SCNN1B: variants seen among roughly 807,000 people sequenced by gnomAD.
The protein encoded by SCNN1B is sodium channel epithelial 1 subunit beta, also known as epithelial sodium channel subunit beta.
In SCNN1B, 46 loss-of-function variants were observed where a neutral mutation model predicts 65.3. That is an observed-to-expected ratio of 0.70 (90% CI 0.56 to 0.90). The LOEUF (loss-of-function observed/expected upper bound fraction) is 0.90, where lower values mean the gene tolerates loss of function less well. SCNN1B is among the 40% of genes least tolerant of loss of function. The pLI is 0.00. For synonymous variants in SCNN1B, 349 were observed against 330.6 expected, an observed-to-expected ratio of 1.06 and a Z score of -0.60; for missense variants, 751 against 830.5, an observed-to-expected ratio of 0.90 and a Z score of 1.18.
rs896216216 is a variant in SCNN1B, at chr16:23,380,137, T to C, written c.1510T>C (p.Tyr504His). 5 of 1,614,098 alleles carry C rather than the reference T, an allele frequency of 3.1e-6. No homozygotes were observed. Among genetic ancestry groups the C allele is most frequent in the Non-Finnish European group, 4.2e-6 (5 of 1,179,990 alleles). The change falls in exon 12 of 13, where the codon TAT becomes CAT. Residue 504 changes from tyrosine to histidine, a missense_variant. By Grantham distance (83) the Tyr-to-His change is moderately conservative. Transcript: ENST00000343070. The surrounding 1 kb of genome is among the most constrained non-coding windows in gnomAD (Gnocchi z 5.4). The part of the protein sequence containing the change: ...KLNIYFQEFN[Y>H]RTIEESAANN... ...CAACATCTACTTCCAAGAATTTAAC[T>C]ATCGCACCATTGAAGAATCAGCAGC...
intron 1 of SCNN1B, among the ~76,000 whole-genome samples, chr16:23,309,437 T>TAGATAGATAGATAGAC (rs1390140250): frequency 1.4e-5 from 2 of 140,986 alleles, no homozygotes; most frequent in African/African-American, 5.2e-5. Flanking sequence ...GATAGATAGA[T>TAGATAGATAGATAGAC]AGACAGATAG....
At chr16:23,307,292 C>T (rs1270389818) in intron 1 of SCNN1B, among the ~76,000 whole-genome samples, 5 of 137,674 alleles carry the variant, frequency 3.6e-5, no homozygotes, top group Non-Finnish European at 7.6e-5. Context: ...GAAGCCTGTG[C>T]TCCTTTTTTT....
chr16:23,336,167 T>TTACTCAGAG (rs1961935299), intron 1 of SCNN1B, among the ~76,000 whole-genome samples: 1 of 152,178 alleles, frequency 6.6e-6, no homozygotes, highest in African/African-American at 2.4e-5. Context: ...ACCATGACTG[T>TTACTCAGAG]GGGTAAGTCC....
chr16:23,328,955 C>T (rs1961752193), intron 1 of SCNN1B, among the ~76,000 whole-genome samples: 1 of 149,842 alleles, frequency 6.7e-6, no homozygotes, highest in Admixed American at 6.7e-5. Flanking sequence ...ACCACCATAC[C>T]CAGTTCATTT....
At chr16:23,317,094 G>A (rs1008469443) in intron 1 of SCNN1B, among the ~76,000 whole-genome samples, 7 of 152,252 alleles carry the variant, frequency 4.6e-5, no homozygotes, top group South Asian at 2.1e-4. Flanking sequence ...AAGCCTGAAA[G>A]ACCTAAATTT....
rs186204793 is a variant in SCNN1B, at chr16:23,371,496, T to C, written c.1044+34T>C. The C allele has an allele frequency of 7.5e-3, 12,053 of 1,608,726 alleles. 53 individuals are homozygous for C. Among genetic ancestry groups the C allele is most frequent in the Non-Finnish European group, 8.9e-3 (10,524 of 1,177,154 alleles). ...GGAGCCCAAGGGCAGTCCTAGAGGG[T>C]CTGAGGGTGGGAGCCCACCTGTCCA... On this transcript the variant is annotated intron_variant, in intron 6 of 12. Transcript: ENST00000343070.
rs773368777 is a variant in SCNN1B at position 23,348,804 on chromosome 16, A to G, written c.205A>G (p.Ile69Val). 1 of 1,614,162 alleles carries G rather than the reference A, an allele frequency of 6.2e-7. No homozygotes were observed. The highest frequency in any genetic ancestry group is 8.5e-7 in the Non-Finnish European group (1 of 1,180,038). The change falls in exon 2 of 13, where the codon ATC (isoleucine) becomes GTC (valine). Residue 69 changes from isoleucine (I) to valine (V), a missense_variant. Physicochemically the swap from Ile to Val is conservative, Grantham distance 29. Transcript: ENST00000343070. The surrounding 1 kb of genome is among the most constrained non-coding windows in gnomAD (Gnocchi z 4.5). ...FAALVCWQWGIFIRTYLSWEV... is the reference protein window; with the variant it reads ...FAALVCWQWGVFIRTYLSWEV... ...CGCCCTCGTCTGCTGGCAGTGGGGC[A>G]TCTTCATCAGGACCTACTTGAGCTG...
intron 7 of SCNN1B, among the ~76,000 whole-genome samples, chr16:23,372,405 G>A (rs576524764): frequency 6.6e-6 from 1 of 151,906 alleles, no homozygotes; most frequent in South Asian, 2.1e-4. Context: ...ACCCTAAGAT[G>A]TAGATACTAT....
intron 1 of SCNN1B, among the ~76,000 whole-genome samples, chr16:23,319,555 G>A (rs571274353): frequency 1.8e-4 from 28 of 152,284 alleles, no homozygotes; most frequent in Admixed American, 6.5e-4. Context: ...AAGTGTGGTT[G>A]AAACATAGCC....
chr16:23,365,356 A>C (rs1962626736), intron 4 of SCNN1B, among the ~76,000 whole-genome samples: 1 of 149,984 alleles, frequency 6.7e-6, no homozygotes, highest in Non-Finnish European at 1.5e-5. Flanking sequence ...AAAAGAAAAG[A>C]GAGAAAGAGA....
intron 2 of SCNN1B, among the ~76,000 whole-genome samples, chr16:23,293,442 C>G (rs1261354289): frequency 6.6e-6 from 1 of 152,140 alleles, no homozygotes; most frequent in African/African-American, 2.4e-5. Context: ...TTTGATTCCA[C>G]TTATACGAGG....
intron 4 of SCNN1B, among the ~76,000 whole-genome samples, chr16:23,365,594 AAAG>A (rs1962646646): frequency 1.7e-5 from 1 of 59,692 alleles, no homozygotes; most frequent in Non-Finnish European, 3.4e-5. Context: ...AAAGAGAAAG[AAAG>A]AAAGAAAGAA....
intron 9 of SCNN1B, 35 bp downstream of exon 9, chr16:23,377,275 G>A: frequency 6.2e-7 from 1 of 1,614,020 alleles, no homozygotes; most frequent in South Asian, 1.1e-5. Flanking sequence ...CAGCGGGCAG[G>A]CATGGAGGGG....
chr16:23,356,086 G>C (rs912685749), intron 4 of SCNN1B, among the ~76,000 whole-genome samples: 1 of 152,124 alleles, frequency 6.6e-6, no homozygotes, highest in Non-Finnish European at 1.5e-5. Context: ...CAGCCTTTCT[G>C]CGTGCCCCGT....
rs148042031 is a variant in SCNN1B, at chr16:23,375,124, A to G, written c.1153-614A>G. ...CAGTATGTTGGGGCCGAGTGAGTGG[A>G]GACTCATCACGTCCAGCCTCCTGGA... is the stretch of plus-strand genomic sequence containing the variant. On this transcript the variant is annotated intron_variant, in intron 7 of 12. Transcript: ENST00000343070. Among the ~76,000 whole-genome samples, 4 of 152,250 alleles carry G rather than the reference A, an allele frequency of 2.6e-5. No homozygotes were observed. The East Asian group carries it at 7.7e-4, about 29-fold the overall frequency.
chr16:23,372,381 T>G (rs756092583), intron 7 of SCNN1B, among the ~76,000 whole-genome samples: 5 of 152,228 alleles, frequency 3.3e-5, no homozygotes, highest in Non-Finnish European at 7.3e-5. Flanking sequence ...TTACATCATT[T>G]AACTTTCACA....
intron 1 of SCNN1B, among the ~76,000 whole-genome samples, chr16:23,311,728 A>AG (rs34480736): frequency 0.29 from 43,924 of 152,080 alleles, 6,874 homozygotes; most frequent in African/African-American, 0.42. Context: ...ACTTCAAGGC[A>AG]GCTTTCAAGG....
intron 2 of SCNN1B, among the ~76,000 whole-genome samples, chr16:23,288,667 G>A (rs1369493246): frequency 1.3e-5 from 2 of 152,202 alleles, no homozygotes. Context: ...AAATGAGCCA[G>A]GTGTGGTGGT....
chr16:23,360,233 T>TAAATAAAC (rs1555488468), intron 4 of SCNN1B, among the ~76,000 whole-genome samples: 6 of 142,654 alleles, frequency 4.2e-5, no homozygotes, highest in African/African-American at 1.7e-4. Flanking sequence ...AATAAACAAA[T>TAAATAAAC]AAATAAATAA....
Sources: gnomAD v4.1 joint callset for allele counts (sites outside exome capture counted in the v4.1 genomes callset) on GRCh38, gnomAD v4.1.1 for gene constraint, Gnocchi (gnomAD v3.1) non-coding constraint, MANE v1.5 for transcripts, NCBI Gene and HGNC (gene_info 2026-07-23, HGNC 2026-07-21) for gene names.